SORCS1: variants seen among roughly 807,000 people sequenced by gnomAD.
The protein encoded by SORCS1 is sortilin related VPS10 domain containing receptor 1.
In SORCS1, 60 loss-of-function variants were observed where a neutral mutation model predicts 146.1. The ratio of observed to expected loss-of-function variants is 0.41; its 90% CI spans 0.33 to 0.51. The LOEUF (loss-of-function observed/expected upper bound fraction) is 0.51, where lower values mean the gene tolerates loss of function less well. Among genes scored for constraint, SORCS1 ranks in the 20% least tolerant of loss-of-function variants. The probability of loss-of-function intolerance (pLI) is 0.21; values close to 1 mark genes in which losing one functional copy is unlikely to be tolerated. For missense variants in SORCS1, 1,352 were observed against 1,487.6 expected, an observed-to-expected ratio of 0.91 and a Z score of 1.50; for synonymous variants, 637 against 584.0, an observed-to-expected ratio of 1.09 and a Z score of -1.31.
chr10:107,153,058 C>T (rs185905558), intron 1 of SORCS1, among the ~76,000 whole-genome samples: 37 of 152,032 alleles, frequency 2.4e-4, no homozygotes, highest in Non-Finnish European at 4.4e-4. Flanking sequence ...CTTTCTCTTC[C>T]CTTCTCCCTC....
At chr10:106,599,932 C>A (rs373168188) in intron 23 of SORCS1, among the ~76,000 whole-genome samples, 2 of 152,024 alleles carry the variant, frequency 1.3e-5, no homozygotes, top group Admixed American at 6.6e-5. Flanking sequence ...CCACCACATC[C>A]GGCTATTTTG....
At chr10:106,738,028 T>C (rs1857087277) in intron 5 of SORCS1, among the ~76,000 whole-genome samples, 1 of 152,208 alleles carries the variant, frequency 6.6e-6, no homozygotes. Flanking sequence ...CTAACTATTT[T>C]ATTGCAACCT....
intron 3 of SORCS1, among the ~76,000 whole-genome samples, chr10:106,799,398 C>A (rs1278802768): frequency 7.2e-5 from 11 of 152,220 alleles, no homozygotes; most frequent in South Asian, 2.1e-4. Flanking sequence ...ATTAAACTAA[C>A]GAGCTTCTGC....
At chr10:106,922,805 G>A (rs907643592) in intron 2 of SORCS1, among the ~76,000 whole-genome samples, 8 of 151,858 alleles carry the variant, frequency 5.3e-5, no homozygotes, top group East Asian at 1.9e-4. Context: ...GTATCATATA[G>A]AATAGTTTCG....
chr10:106,673,377 C>T (rs916658340), intron 14 of SORCS1, among the ~76,000 whole-genome samples: 11 of 152,128 alleles, frequency 7.2e-5, no homozygotes, highest in Non-Finnish European at 1.0e-4. Context: ...ATGATCCGCC[C>T]GCCTTGGCCT....
chr10:106,661,587 T>G (rs1850733027), intron 17 of SORCS1, among the ~76,000 whole-genome samples: 1 of 152,236 alleles, frequency 6.6e-6, no homozygotes, highest in Non-Finnish European at 1.5e-5. Context: ...TGACACACAT[T>G]TTGTAAGGTG....
intron 1 of SORCS1, among the ~76,000 whole-genome samples, chr10:107,029,532 A>T (rs1958556354): frequency 6.6e-6 from 1 of 152,196 alleles, no homozygotes; most frequent in Non-Finnish European, 1.5e-5. Context: ...CCCTTCCAGC[A>T]AAATCCTAAG....
At chr10:106,938,860 ACT>A (rs1291914567) in intron 2 of SORCS1, among the ~76,000 whole-genome samples, 3 of 152,160 alleles carry the variant, frequency 2.0e-5, no homozygotes, top group East Asian at 3.9e-4. Flanking sequence ...TGTCAGCAAA[ACT>A]CTGACTGCTA....
chr10:106,674,842 G>C (rs1343439840), intron 14 of SORCS1, among the ~76,000 whole-genome samples: 1 of 152,004 alleles, frequency 6.6e-6, no homozygotes, highest in Non-Finnish European at 1.5e-5. Flanking sequence ...ATTTCTCTAA[G>C]CGCCTCAGTC....
chr10:106,750,169 T>A (rs1858045824), intron 5 of SORCS1, among the ~76,000 whole-genome samples: 2 of 152,138 alleles, frequency 1.3e-5, no homozygotes, highest in Non-Finnish European at 2.9e-5. Context: ...ATGAGGATTT[T>A]TTTTCCCTCT....
intron 18 of SORCS1, among the ~76,000 whole-genome samples, chr10:106,637,556 G>C (rs1376737508): frequency 6.6e-6 from 1 of 152,198 alleles, no homozygotes; most frequent in East Asian, 1.9e-4. Flanking sequence ...AGTGAACTTA[G>C]ATGCTCTGAC....
chr10:106,893,409 T>C (rs7076579), intron 2 of SORCS1, among the ~76,000 whole-genome samples: 72,446 of 152,014 alleles, frequency 0.48, 18,028 homozygotes, highest in African/African-American at 0.62. Flanking sequence ...TCTTTTTTCC[T>C]TATTAGCCTA....
intron 3 of SORCS1, among the ~76,000 whole-genome samples, chr10:106,779,932 C>T (rs930716345): frequency 1.3e-4 from 20 of 152,028 alleles, no homozygotes; most frequent in African/African-American, 4.8e-4. Context: ...TAGTATGTAC[C>T]TAATTGTTAA....
chr10:106,862,527 G>A (rs1466109938), intron 2 of SORCS1, among the ~76,000 whole-genome samples: 1 of 151,900 alleles, frequency 6.6e-6, no homozygotes, highest in Non-Finnish European at 1.5e-5. Context: ...TTACGCCCAA[G>A]TTAGTCCTCA....
intron 6 of SORCS1, among the ~76,000 whole-genome samples, chr10:106,726,286 AG>A (rs1389909842): frequency 8.7e-6 from 1 of 114,628 alleles, no homozygotes; most frequent in African/African-American, 3.4e-5. Context: ...TTGTTTCGAC[AG>A]GGCTAACTTT....
chr10:107,006,353 A>C (rs1180836679), intron 1 of SORCS1, among the ~76,000 whole-genome samples: 1 of 152,188 alleles, frequency 6.6e-6, no homozygotes, highest in Non-Finnish European at 1.5e-5. Context: ...GAGGAAAAAC[A>C]GGTGTATTAA....
intron 1 of SORCS1, among the ~76,000 whole-genome samples, chr10:107,110,187 T>C (rs940466027): frequency 3.9e-5 from 6 of 152,142 alleles, no homozygotes; most frequent in African/African-American, 1.4e-4. Flanking sequence ...CCCTCCAGAT[T>C]TTTTCAACCT....
In SORCS1 at chr10:106,969,487, T is replaced by C. The variant is rs56320113; in HGVS notation, c.559-12907A>G. On this transcript the variant is annotated intron_variant, in intron 1 of 25. Transcript: ENST00000263054. ...GAAGGAAGGACTGGATTGGGCCAGTTCTGAGATGGAAGAGTTGAAAGAAGT... is the reference window on the plus strand; with the variant it reads ...GAAGGAAGGACTGGATTGGGCCAGTCCTGAGATGGAAGAGTTGAAAGAAGT... Among the ~76,000 whole-genome samples the C allele has an allele frequency of 2.3e-3, 343 of 152,294 alleles. 3 individuals are homozygous for C. The highest frequency in any genetic ancestry group is 7.9e-3 in the African/African-American group (329 of 41,558).
intron 1 of SORCS1, among the ~76,000 whole-genome samples, chr10:107,115,279 A>G (rs1482658046): frequency 6.6e-6 from 1 of 152,092 alleles, no homozygotes; most frequent in Non-Finnish European, 1.5e-5. Context: ...TGGAACTACA[A>G]AAGACCTGAA....
Sources: gnomAD v4.1 joint callset for allele counts (sites outside exome capture counted in the v4.1 genomes callset) on GRCh38, gnomAD v4.1.1 for gene constraint, MANE v1.5 for transcripts, NCBI Gene and HGNC (gene_info 2026-07-23, HGNC 2026-07-21) for gene names.